The following FSTL4 variants were observed in gnomAD, a reference collection of about 807,000 sequenced individuals.
The protein encoded by FSTL4 is follistatin like 4, also known as follistatin-related protein 4.
Under a neutral mutation model 78.2 loss-of-function variants are expected in FSTL4, and 28 were observed. That is an observed-to-expected ratio of 0.36 (90% confidence interval 0.27 to 0.49). The LOEUF (loss-of-function observed/expected upper bound fraction) is 0.49. Among genes scored for constraint, FSTL4 ranks in the 20% least tolerant of loss-of-function variants. The pLI is 0.98. For synonymous variants in FSTL4, 422 were observed against 440.5 expected (o/e 0.96, Z 0.53); for missense variants, 922 against 1,084.9 (o/e 0.85, Z 2.11).
chr5:133,814,047 G>A, the FSTL4 span, among the ~76,000 whole-genome samples: 38,408 of 152,134 alleles, frequency 0.25, 5,192 homozygotes, highest in East Asian at 0.48. Flanking sequence ...ACCAGGCAAC[G>A]GGGGCTGGGA....
chr5:133,821,486 T>C, the FSTL4 span, among the ~76,000 whole-genome samples: 21 of 152,192 alleles, frequency 1.4e-4, no homozygotes, highest in African/African-American at 4.8e-4. Context: ...ATTAACAGTG[T>C]CCCTTTTCCT....
chr5:133,389,056 A>G (rs1035092704), intron 4 of FSTL4, among the ~76,000 whole-genome samples: 8 of 152,152 alleles, frequency 5.3e-5, no homozygotes, highest in African/African-American at 1.9e-4. Context: ...GGCTCAGCCA[A>G]TTTACAATCC....
intron 7 of FSTL4, among the ~76,000 whole-genome samples, chr5:133,238,493 G>A (rs1159437280): frequency 6.6e-6 from 1 of 152,166 alleles, no homozygotes; most frequent in East Asian, 1.9e-4. Context: ...GACTTCCCTG[G>A]CCCTTATCCA....
the FSTL4 span, among the ~76,000 whole-genome samples, chr5:133,699,380 AC>A: frequency 6.6e-6 from 1 of 151,908 alleles, no homozygotes; most frequent in Non-Finnish European, 1.5e-5. Context: ...ATCAAAAACC[AC>A]CCCGAGGAAA....
At chr5:133,392,676 C>G (rs1755879104) in intron 4 of FSTL4, among the ~76,000 whole-genome samples, 1 of 152,152 alleles carries the variant, frequency 6.6e-6, no homozygotes, top group African/African-American at 2.4e-5. Flanking sequence ...GCTGGGACAA[C>G]AGCTTGCTCC....
At chr5:133,819,710 C>A in the FSTL4 span, among the ~76,000 whole-genome samples, 1 of 152,200 alleles carries the variant, frequency 6.6e-6, no homozygotes, top group African/African-American at 2.4e-5. Context: ...TTCAAATTTC[C>A]AATTCTGATT....
chr5:133,272,459 C>T (rs545316342), intron 6 of FSTL4, among the ~76,000 whole-genome samples: 3 of 152,302 alleles, frequency 2.0e-5, no homozygotes, highest in South Asian at 2.1e-4. Context: ...AGTTACACGA[C>T]GGCTTCTGGA....
chr5:133,302,791 G>C (rs1191211064), intron 6 of FSTL4, among the ~76,000 whole-genome samples: 1 of 152,236 alleles, frequency 6.6e-6, no homozygotes, highest in Admixed American at 6.5e-5. Context: ...CCACCATCAA[G>C]GGGAACCCTC....
intron 10 of FSTL4, among the ~76,000 whole-genome samples, 197 bp downstream of exon 10, chr5:133,224,953 G>A (rs1751278111): frequency 6.6e-6 from 1 of 152,178 alleles, no homozygotes; most frequent in Admixed American, 6.5e-5. Flanking sequence ...TTCCAGAGTT[G>A]TCTAGGTTGC....
Position 133,198,889 on chromosome 5 carries a change from C to A in FSTL4, c.*206G>T, listed in dbSNP as rs537516590. 8.5e-6 allele frequency: 4 copies of A among 471,458 alleles called. No homozygotes were observed. Among genetic ancestry groups the A allele is most frequent in the South Asian group, 1.2e-4 (2 of 16,324 alleles). The allele number at this position is 471,458 out of a possible 1,614,324, so 29.2% of individuals were successfully genotyped here. On this transcript the variant is annotated 3_prime_UTR_variant, in exon 16 of 16. Coordinates refer to ENST00000265342, the MANE Select transcript of FSTL4 (RefSeq NM_015082.2). ...CATATGTTCTCATCGTAGCTCAAGG[C>A]ATAAATCATACTTCCTAACGAAAAA...
intron 6 of FSTL4, among the ~76,000 whole-genome samples, chr5:133,300,693 C>T (rs796676968): frequency 8.5e-5 from 13 of 152,318 alleles, no homozygotes; most frequent in African/African-American, 3.1e-4. Flanking sequence ...CAAGCATCAG[C>T]ACATTTCCAA....
At position 133,440,166 on chromosome 5, in the gene FSTL4, G is replaced by A. The variant is rs1580709450; in HGVS notation, c.161-39180C>T. The stretch of plus-strand genomic sequence containing the variant: ...AGTACAGGAGAGAGCTCTGGAACCC[G>A]GGGCTACACCCATTCACTGAATAAT... On this transcript the variant is annotated intron_variant, in intron 3 of 15. Coordinates refer to ENST00000265342, the MANE Select transcript of FSTL4 (RefSeq NM_015082.2). The surrounding 1 kb of genome is among the most constrained non-coding windows in gnomAD (Gnocchi z 4.1). Among the ~76,000 whole-genome samples, 3 of 152,266 alleles carry A rather than the reference G, an allele frequency of 2.0e-5. No individual in the cohort carries two copies. The highest frequency in any genetic ancestry group is 4.1e-4 in the South Asian group (2 of 4,826).
chr5:133,210,114 A>G, intron 14 of FSTL4, 77 bp downstream of exon 14: 2 of 769,510 alleles, frequency 2.6e-6, no homozygotes, highest in Non-Finnish European at 4.6e-6. Context: ...CCGGGGAAGC[A>G]GGAGATACTT....
chr5:133,380,119 C>T (rs1755531753), intron 4 of FSTL4, among the ~76,000 whole-genome samples: 1 of 151,532 alleles, frequency 6.6e-6, no homozygotes, highest in South Asian at 2.1e-4. Flanking sequence ...TAATCTTTCA[C>T]CATAACACAT....
chr5:133,424,279 A>T (rs1386139107), intron 3 of FSTL4, among the ~76,000 whole-genome samples: 1 of 152,182 alleles, frequency 6.6e-6, no homozygotes, highest in Non-Finnish European at 1.5e-5. Context: ...TGAACAGTGC[A>T]GGAGGCCAGT....
intron 4 of FSTL4, among the ~76,000 whole-genome samples, chr5:133,394,509 C>T (rs536301958): frequency 1.8e-3 from 274 of 152,354 alleles, no homozygotes; most frequent in African/African-American, 3.3e-3. Flanking sequence ...CCAGCAGCTG[C>T]GGAGGGTGCG....
At chr5:133,391,530 G>A (rs1028500570) in intron 4 of FSTL4, among the ~76,000 whole-genome samples, 1 of 152,190 alleles carries the variant, frequency 6.6e-6, no homozygotes, top group African/African-American at 2.4e-5. Flanking sequence ...TAATGAGAAG[G>A]GCAATATAGC....
intron 4 of FSTL4, among the ~76,000 whole-genome samples, chr5:133,343,665 G>T (rs1235224232): frequency 6.6e-6 from 1 of 152,208 alleles, no homozygotes; most frequent in Non-Finnish European, 1.5e-5. Context: ...TTGTATTCAA[G>T]GCAGTAAGAG....
intron 3 of FSTL4, among the ~76,000 whole-genome samples, chr5:133,559,989 G>A (rs1054249183): frequency 6.6e-6 from 1 of 152,200 alleles, no homozygotes; most frequent in Non-Finnish European, 1.5e-5. Context: ...ATGACATAAA[G>A]CCAAGTCAGC....
Sources: gnomAD v4.1 joint callset for allele counts (sites outside exome capture counted in the v4.1 genomes callset) on GRCh38, gnomAD v4.1.1 for gene constraint, Gnocchi (gnomAD v3.1) non-coding constraint, MANE v1.5 for transcripts, NCBI Gene and HGNC (gene_info 2026-07-23, HGNC 2026-07-21) for gene names.